The following WWOX variants were observed in gnomAD, a reference collection of about 807,000 sequenced individuals.
The protein encoded by WWOX is WW domain containing oxidoreductase.
A neutral mutation model predicts 46.2 loss-of-function variants in WWOX; 69 were observed. The observed-to-expected ratio is 1.49, with a 90% confidence interval of 1.23 to 1.82. WWOX has a LOEUF of 1.82. Ranked by LOEUF, WWOX falls within the 40% of genes most tolerant of loss-of-function variation. The probability of loss-of-function intolerance (pLI) is 0.00; values close to 1 mark genes in which losing one functional copy is unlikely to be tolerated. For synonymous variants in WWOX, 359 were observed against 202.6 expected (o/e 1.77, Z -6.56); for missense variants, 919 against 542.6 (o/e 1.69, Z -6.89).
At chr16:78,880,700 C>G (rs987368535) in intron 8 of WWOX, among the ~76,000 whole-genome samples, 1 of 152,196 alleles carries the variant, frequency 6.6e-6, no homozygotes, top group African/African-American at 2.4e-5. Flanking sequence ...GGCGGTCCAT[C>G]TGAGAGTTCA....
intron 8 of WWOX, among the ~76,000 whole-genome samples, chr16:78,893,675 C>T (rs1230446622): frequency 1.3e-5 from 2 of 152,256 alleles, no homozygotes; most frequent in Middle Eastern, 3.4e-3. Flanking sequence ...CTGAGGTTCC[C>T]TGGTATTTTC....
At chr16:78,914,403 A>G (rs759262217) in intron 8 of WWOX, among the ~76,000 whole-genome samples, 24 of 152,194 alleles carry the variant, frequency 1.6e-4, no homozygotes, top group Admixed American at 5.9e-4. Flanking sequence ...TGAATGAGGG[A>G]GTGAATGAAT....
chr16:79,194,537 A>G (rs1314597912), intron 8 of WWOX, among the ~76,000 whole-genome samples: 2 of 152,032 alleles, frequency 1.3e-5, no homozygotes, highest in African/African-American at 4.8e-5. Flanking sequence ...CCTGGCCCAT[A>G]TGAGATCTCG....
rs541611029 is a variant in WWOX at position 78,759,925 on chromosome 16, G to A, written c.1056+327173G>A. On this transcript the variant is annotated intron_variant, in intron 8 of 8. Transcript: ENST00000566780. Reference sequence around the variant, plus strand: ...TCACGGCCACAGCACTCTAATCTCTGCTTTCACTATCCCTTCTTTTTTCTG... The same window carrying A: ...TCACGGCCACAGCACTCTAATCTCTACTTTCACTATCCCTTCTTTTTTCTG... 1.2e-4 allele frequency among the ~76,000 whole-genome samples: 18 copies of A among 152,232 alleles called. No homozygotes were observed. The East Asian group carries it at 1.9e-3, about 16-fold the overall frequency.
intron 5 of WWOX, among the ~76,000 whole-genome samples, chr16:78,216,199 A>G (rs1037485753): frequency 6.6e-6 from 1 of 152,192 alleles, no homozygotes; most frequent in Non-Finnish European, 1.5e-5. Context: ...ATATATACAT[A>G]AAAACAATGG....
chr16:78,741,730 C>T (rs1469840313), intron 8 of WWOX, among the ~76,000 whole-genome samples: 1 of 152,024 alleles, frequency 6.6e-6, no homozygotes, highest in African/African-American at 2.4e-5. Flanking sequence ...GGCGGGTGCT[C>T]TGTAGTCTCA....
intron 7 of WWOX, among the ~76,000 whole-genome samples, chr16:78,430,768 A>G (rs2083198678): frequency 6.6e-6 from 1 of 152,190 alleles, no homozygotes; most frequent in South Asian, 2.1e-4. Context: ...TGATGACTTT[A>G]GAGCAGCTAT....
intron 5 of WWOX, among the ~76,000 whole-genome samples, chr16:78,238,339 AC>A (rs2037511767): frequency 6.6e-6 from 1 of 152,086 alleles, no homozygotes; most frequent in Non-Finnish European, 1.5e-5. Context: ...TCACTTCATC[AC>A]CCAGGCTGGA....
intron 5 of WWOX, among the ~76,000 whole-genome samples, chr16:78,373,208 A>C (rs865977770): frequency 2.6e-5 from 4 of 152,286 alleles, no homozygotes; most frequent in Non-Finnish European, 4.4e-5. Context: ...AATAGGTACT[A>C]GATCTACCTT....
intron 8 of WWOX, among the ~76,000 whole-genome samples, chr16:78,787,791 A>G (rs1257407757): frequency 6.6e-6 from 1 of 152,164 alleles, no homozygotes; most frequent in Non-Finnish European, 1.5e-5. Flanking sequence ...CTTGCAGTAT[A>G]TGAAGGTTCC....
At chr16:78,341,835 C>T (rs76052396) in intron 5 of WWOX, among the ~76,000 whole-genome samples, 13,396 of 120,286 alleles carry the variant, frequency 0.11, 4,143 homozygotes, top group African/African-American at 0.33. Context: ...GGAAGGTTAA[C>T]AGGGCATGGT....
chr16:78,481,724 A>AGTGTGTGTGTGTGTGT (rs67780639), intron 8 of WWOX, among the ~76,000 whole-genome samples: 2,740 of 136,918 alleles, frequency 0.02, 40 homozygotes, highest in Non-Finnish European at 0.031. Context: ...GGGCAAGGGA[A>AGTGTGTGTGTGTGTGT]GTGTGTGTGT....
At chr16:78,359,260 A>G (rs62033450) in intron 5 of WWOX, among the ~76,000 whole-genome samples, 9,665 of 152,214 alleles carry the variant, frequency 0.063, 363 homozygotes, top group Middle Eastern at 0.12. Flanking sequence ...TTGCTTGGCA[A>G]TTTGTTCCAA....
At chr16:79,205,238 G>C (rs1254873185) in intron 8 of WWOX, 1 of 152,178 alleles carries the variant, frequency 6.6e-6, no homozygotes, top group Non-Finnish European at 1.5e-5. Flanking sequence ...TTGCATTTAT[G>C]GTGATGGACT....
At chr16:78,225,367 G>T (rs760938802) in intron 5 of WWOX, among the ~76,000 whole-genome samples, 6 of 152,074 alleles carry the variant, frequency 3.9e-5, no homozygotes, top group Non-Finnish European at 7.4e-5. Context: ...TTGGTATGAG[G>T]TGTATGACTA....
chr16:78,335,351 C>G (rs999319978), intron 5 of WWOX, among the ~76,000 whole-genome samples: 1 of 152,134 alleles, frequency 6.6e-6, no homozygotes. Context: ...TCATGCAGCT[C>G]CCACTTATAA....
chr16:78,197,034 TGCAAATAATA>T (rs2036075605), intron 5 of WWOX, among the ~76,000 whole-genome samples: 1 of 152,244 alleles, frequency 6.6e-6, no homozygotes. Flanking sequence ...GATATTGCAT[TGCAAATAATA>T]GCAGTTAGTG....
chr16:78,634,777 G>A (rs2046524190), intron 8 of WWOX, among the ~76,000 whole-genome samples: 1 of 150,618 alleles, frequency 6.6e-6, no homozygotes, highest in Non-Finnish European at 1.5e-5. Flanking sequence ...GAATGAAGCT[G>A]AGGGCCAATA....
At chr16:78,559,769 G>A (rs1006546543) in intron 8 of WWOX, among the ~76,000 whole-genome samples, 6 of 152,186 alleles carry the variant, frequency 3.9e-5, no homozygotes, top group African/African-American at 1.4e-4. Flanking sequence ...TCGTGTGAAT[G>A]TATTGCAGAA....
Sources: allele counts gnomAD v4.1 joint callset (sites outside exome capture counted in the v4.1 genomes callset), GRCh38; gene constraint gnomAD v4.1.1; transcripts MANE v1.5; gene names NCBI Gene and HGNC (gene_info 2026-07-23, HGNC 2026-07-21).